ZNF609: variants seen among roughly 807,000 people sequenced by gnomAD.
ZNF609 encodes the protein zinc finger protein 609.
ZNF609 carries 11 observed loss-of-function variants against 109.5 expected under a neutral mutation model. That is an observed-to-expected ratio of 0.10 (90% CI 0.06 to 0.17). The LOEUF (loss-of-function observed/expected upper bound fraction) is 0.17, where lower values mean the gene tolerates loss of function less well. Among genes scored for constraint, ZNF609 ranks in the 10% least tolerant of loss-of-function variants. The pLI is 1.00. For synonymous variants in ZNF609, 646 were observed against 662.0 expected (o/e 0.98, Z 0.37); for missense variants, 1,559 against 1,772.4 (o/e 0.88, Z 2.16).
At chr15:64,643,933 CA>C (rs201937847) in intron 3 of ZNF609, 38 of 149,694 alleles carry the variant, frequency 2.5e-4, no homozygotes, top group African/African-American at 7.6e-4. Context: ...CCTTCTCTAT[CA>C]AAAAAAAAAT....
chr15:64,680,080 T>G, intron 6 of ZNF609, 105 bp from the exon 7 acceptor site: 1 of 1,244,194 alleles, frequency 8.0e-7, no homozygotes, highest in Non-Finnish European at 1.1e-6. Flanking sequence ...AGAAAATACC[T>G]CAGCCTGTGC....
chr15:64,539,468 A>C (rs1422571571), intron 2 of ZNF609, among the ~76,000 whole-genome samples: 1 of 150,004 alleles, frequency 6.7e-6, no homozygotes, highest in Non-Finnish European at 1.5e-5. Flanking sequence ...TGGCCTCCCC[A>C]AGTGCTGGGA....
chr15:64,591,331 G>C (rs901801890), intron 2 of ZNF609, among the ~76,000 whole-genome samples: 6 of 152,252 alleles, frequency 3.9e-5, no homozygotes, highest in African/African-American at 1.4e-4. Context: ...AGGAGGCTGA[G>C]GCAGGAGAAT....
chr15:64,506,576 C>T (rs543307434), intron 2 of ZNF609, among the ~76,000 whole-genome samples: 6 of 151,258 alleles, frequency 4.0e-5, no homozygotes, highest in Admixed American at 6.6e-5. Flanking sequence ...CAAAATTAGT[C>T]GGGCGTGGTG....
At chr15:64,507,200 A>G (rs1016802016) in intron 2 of ZNF609, among the ~76,000 whole-genome samples, 1 of 152,180 alleles carries the variant, frequency 6.6e-6, no homozygotes, top group African/African-American at 2.4e-5. Context: ...TCTCACGGAC[A>G]CTGGAGTAGT....
In ZNF609 at chr15:64,602,889, A is replaced by ATTTTTTTTTTTTTTTTTTT. The variant is rs10600562; in HGVS notation, c.748-19927_748-19909dup. On this transcript the variant is annotated intron_variant, in intron 2 of 9. Coordinates refer to ENST00000326648, the MANE Select transcript of ZNF609 (RefSeq NM_015042.2). ...AGGTGCCTGCCACCACTCTGGGCTA[A>ATTTTTTTTTTTTTTTTTTT]TTTTTTTTTTTTTTTTTTTTTTTTT... 2.9e-4 allele frequency among the ~76,000 whole-genome samples: 22 copies of ATTTTTTTTTTTTTTTTTTT among 75,174 alleles called. 2 individuals carry two copies. Among genetic ancestry groups the ATTTTTTTTTTTTTTTTTTT allele is most frequent in the Non-Finnish European group, 4.4e-4 (19 of 42,940 alleles). The allele number at this position is 75,174 out of a possible 152,430, so 49.3% of individuals were successfully genotyped here.
chr15:64,640,245 C>T (rs1896234708), intron 3 of ZNF609, among the ~76,000 whole-genome samples: 2 of 152,032 alleles, frequency 1.3e-5, no homozygotes, highest in African/African-American at 4.8e-5. Flanking sequence ...CACTTTGTTG[C>T]CCTGGCTGGT....
At chr15:64,605,188 G>A (rs1425126401) in intron 2 of ZNF609, among the ~76,000 whole-genome samples, 3 of 152,092 alleles carry the variant, frequency 2.0e-5, no homozygotes, top group Non-Finnish European at 4.4e-5. Context: ...ATGGCCTCTC[G>A]CAGCTTCAGA....
In ZNF609 at chr15:64,613,555, T is replaced by C. The variant is rs187793839; in HGVS notation, c.748-9272T>C. Among the ~76,000 whole-genome samples, 198 of 152,216 alleles carry C rather than the reference T, an allele frequency of 1.3e-3. 2 individuals carry two copies. Among genetic ancestry groups the C allele is most frequent in the African/African-American group, 4.7e-3 (196 of 41,550 alleles). On this transcript the variant is annotated intron_variant, in intron 2 of 9. Coordinates refer to ENST00000326648, the MANE Select transcript of ZNF609 (RefSeq NM_015042.2). ...CAAAAATCATCCTTGTTTAAACTTATTTATTTATTTTTTGAGATGGAGTCT... is the reference window on the plus strand; with the variant it reads ...CAAAAATCATCCTTGTTTAAACTTACTTATTTATTTTTTGAGATGGAGTCT...
At chr15:64,541,097 C>G (rs1042562835) in intron 2 of ZNF609, among the ~76,000 whole-genome samples, 2 of 149,628 alleles carry the variant, frequency 1.3e-5, no homozygotes, top group African/African-American at 4.9e-5. Context: ...CCTTCCTCTT[C>G]TCCATCATAT....
chr15:64,576,410 T>C (rs2140418903), intron 2 of ZNF609, among the ~76,000 whole-genome samples: 2 of 152,104 alleles, frequency 1.3e-5, no homozygotes, highest in South Asian at 4.1e-4. Context: ...TTCTTAGTTA[T>C]GATGTCAATT....
chr15:64,658,987 G>T (rs1190161044), intron 3 of ZNF609, among the ~76,000 whole-genome samples: 1 of 151,982 alleles, frequency 6.6e-6, no homozygotes, highest in African/African-American at 2.4e-5. Flanking sequence ...TAGAGACGGG[G>T]TTTCACCATG....
At chr15:64,594,528 G>A (rs1423473832) in intron 2 of ZNF609, among the ~76,000 whole-genome samples, 3 of 151,362 alleles carry the variant, frequency 2.0e-5, no homozygotes, top group Admixed American at 6.6e-5. Context: ...GGTAAAGACC[G>A]GGTTTCACCA....
chr15:64,680,300 G>T lies in ZNF609; in HGVS notation c.3885G>T (p.Glu1295Asp). The part of the protein sequence containing the change: ...SPSVTCKSSS[E>D]SKALDILQQH... ...GTGTGACTTGTAAATCCAGCTCAGAGTCCAAAGCCCTGGACATCTTGCAGC... is the reference window on the plus strand; with the variant it reads ...GTGTGACTTGTAAATCCAGCTCAGATTCCAAAGCCCTGGACATCTTGCAGC... The change falls in exon 7 of 10, where the codon GAG (glutamate) becomes GAT (aspartate). Residue 1295 changes from glutamate to aspartate, a missense_variant. Around this residue, in one of 4 missense-constraint regions of ZNF609, gnomAD observed 1,204 missense variants for 1,314.1 expected, o/e 0.92. Coordinates refer to ENST00000326648, the MANE Select transcript of ZNF609 (RefSeq NM_015042.2). 6.2e-7 allele frequency: 1 copy of T among 1,614,182 alleles called. No homozygotes were observed. The highest frequency in any genetic ancestry group is 8.5e-7 in the Non-Finnish European group (1 of 1,180,032).
intron 3 of ZNF609, among the ~76,000 whole-genome samples, chr15:64,626,634 T>C (rs1309757403): frequency 2.0e-5 from 3 of 152,194 alleles, no homozygotes; most frequent in African/African-American, 7.2e-5. Context: ...TGAGAACAGG[T>C]ATAGGAGTCA....
chr15:64,656,911 T>C (rs995324002), intron 3 of ZNF609, among the ~76,000 whole-genome samples: 1 of 152,126 alleles, frequency 6.6e-6, no homozygotes, highest in Non-Finnish European at 1.5e-5. Context: ...TCAGTAGCCA[T>C]ATCTCTATTC....
rs512127 is a variant in ZNF609, at chr15:64,513,956, T to A, written c.747+13790T>A. On this transcript the variant is annotated intron_variant, in intron 2 of 9. Coordinates refer to ENST00000326648, the MANE Select transcript of ZNF609 (RefSeq NM_015042.2). ...AAAACTAAAAAATTAGCTGGGTGTGTTGATACATGCCTGTGGTCCCAGCTA... is the reference window on the plus strand; with the variant it reads ...AAAACTAAAAAATTAGCTGGGTGTGATGATACATGCCTGTGGTCCCAGCTA... Among the ~76,000 whole-genome samples the A allele has an allele frequency of 2.4e-4, 37 of 152,064 alleles. No homozygotes were observed. The South Asian group carries it at 5.0e-3, about 20-fold the overall frequency.
chr15:64,568,732 C>T (rs947487128), intron 2 of ZNF609, among the ~76,000 whole-genome samples: 2 of 152,134 alleles, frequency 1.3e-5, no homozygotes, highest in African/African-American at 2.4e-5. Flanking sequence ...TTTCACTGAA[C>T]ATTTACTGAA....
intron 2 of ZNF609, among the ~76,000 whole-genome samples, chr15:64,582,716 CTTTTTTCTTT>C (rs1181591208): frequency 5.0e-5 from 1 of 20,164 alleles, no homozygotes; most frequent in Non-Finnish European, 1.8e-4. Context: ...TTCTTTCTTT[CTTTTTTCTTT>C]TTTTTTTTTT....
Sources: gnomAD v4.1 joint callset for allele counts (sites outside exome capture counted in the v4.1 genomes callset) on GRCh38, gnomAD v4.1.1 for gene constraint, gnomAD v4.1.1 regional missense constraint, MANE v1.5 for transcripts, NCBI Gene and HGNC (gene_info 2026-07-23, HGNC 2026-07-21) for gene names.